Variants in CCDC50 observed in about 807,000 individuals in gnomAD.
CCDC50 encodes the protein coiled-coil domain-containing protein 50.
A neutral mutation model predicts 70.2 loss-of-function variants in CCDC50; 54 were observed. The observed-to-expected ratio is 0.77, with a 90% confidence interval of 0.62 to 0.96. The LOEUF (loss-of-function observed/expected upper bound fraction) is 0.96, where lower values mean the gene tolerates loss of function less well. Ranked by LOEUF, CCDC50 falls within the 50% of genes least tolerant of loss-of-function variation. The probability of loss-of-function intolerance (pLI) is 0.00; values close to 1 mark genes in which losing one functional copy is unlikely to be tolerated. For synonymous variants in CCDC50, 216 were observed against 198.8 expected, an observed-to-expected ratio of 1.09 and a Z score of -0.73; for missense variants, 558 against 578.7, an observed-to-expected ratio of 0.96 and a Z score of 0.37.
intron 4 of CCDC50, among the ~76,000 whole-genome samples, chr3:191,367,435 TG>T (rs996454329): frequency 4.1e-4 from 62 of 152,074 alleles, no homozygotes; most frequent in Non-Finnish European, 1.3e-4. Flanking sequence ...TTTCTCCAAA[TG>T]TTAAAATGAA....
chr3:191,341,026 A>G (rs924560790), intron 1 of CCDC50, among the ~76,000 whole-genome samples: 2 of 151,084 alleles, frequency 1.3e-5, no homozygotes, highest in East Asian at 1.9e-4. Flanking sequence ...GGGTCTCACT[A>G]TATTGCCCAG....
chr3:191,330,075 A>G (rs1427451909), intron 1 of CCDC50, among the ~76,000 whole-genome samples: 2 of 152,110 alleles, frequency 1.3e-5, no homozygotes, highest in Admixed American at 6.5e-5. Context: ...ATCGAGGCCC[A>G]GCCTGGCTGG....
At chr3:191,364,421 TC>T (rs1712608913) in intron 4 of CCDC50, among the ~76,000 whole-genome samples, 1 of 151,060 alleles carries the variant, frequency 6.6e-6, no homozygotes, top group African/African-American at 2.4e-5. Flanking sequence ...CCCTGTAGAG[TC>T]TACTTGGTTA....
intron 10 of CCDC50, among the ~76,000 whole-genome samples, chr3:191,386,167 A>T (rs1021156467): frequency 1.3e-5 from 2 of 150,004 alleles, no homozygotes; most frequent in African/African-American, 2.5e-5. Flanking sequence ...GACGTTGGTA[A>T]TTTGATAAGA....
chr3:191,392,185 A>T lies in CCDC50; in HGVS notation c.*425A>T, dbSNP rs1713717620. On this transcript the variant is annotated 3_prime_UTR_variant, in exon 12 of 12. Transcript: ENST00000392455. ...AAATAGCTTTTTGTTGCATTAATGT[A>T]TGATATTTTGAAGGACAGAGCCTTT... 1 of 166,052 alleles carries T rather than the reference A, an allele frequency of 6.0e-6. No homozygotes were observed. Among genetic ancestry groups the T allele is most frequent in the African/African-American group, 2.4e-5 (1 of 41,596 alleles). 10.3% of individuals were successfully genotyped at this position (166,052 alleles called of 1,614,324 possible). A position where few individuals can be genotyped will look rare whatever the true frequency, so the allele number is the denominator to read the frequency against.
chr3:191,374,972 G>T, intron 5 of CCDC50, 90 bp from the exon 6 acceptor site: 1 of 1,316,108 alleles, frequency 7.6e-7, no homozygotes, highest in East Asian at 2.4e-5. Context: ...CGTTAAACTG[G>T]AGCCCAGACT....
chr3:191,382,547 A>T (rs1018762579), intron 9 of CCDC50, among the ~76,000 whole-genome samples, 199 bp from the exon 10 acceptor site: 5 of 152,128 alleles, frequency 3.3e-5, no homozygotes, highest in African/African-American at 1.2e-4. Flanking sequence ...CTACCTTTGC[A>T]GCTATAAATT....
At chr3:191,335,938 C>T (rs570282913) in intron 1 of CCDC50, among the ~76,000 whole-genome samples, 6 of 150,468 alleles carry the variant, frequency 4.0e-5, no homozygotes, top group African/African-American at 9.8e-5. Context: ...GTTTCATGCC[C>T]CCACCAGCCA....
At chr3:191,334,613 G>C (rs1314768449) in intron 1 of CCDC50, among the ~76,000 whole-genome samples, 3 of 152,124 alleles carry the variant, frequency 2.0e-5, no homozygotes, top group African/African-American at 7.2e-5. Context: ...CCTAGAATTA[G>C]AAAAGTTTAG....
chr3:191,360,128 C>T (rs1414169618), intron 3 of CCDC50, among the ~76,000 whole-genome samples: 1 of 152,184 alleles, frequency 6.6e-6, no homozygotes, highest in African/African-American at 2.4e-5. Context: ...TGAACTGGAA[C>T]CTTTTATTCA....
rs1713852246 is a variant in CCDC50, at chr3:191,396,165, A to T, written c.*4405A>T. 6.6e-6 allele frequency: 1 copy of T among 152,204 alleles called. No homozygotes were observed. Among genetic ancestry groups the T allele is most frequent in the Non-Finnish European group, 1.5e-5 (1 of 68,012 alleles). 9.4% of individuals were successfully genotyped at this position (152,204 alleles called of 1,614,324 possible). A position where few individuals can be genotyped will look rare whatever the true frequency, so the allele number is the denominator to read the frequency against. On this transcript the variant is annotated 3_prime_UTR_variant, in exon 12 of 12. Transcript: ENST00000392455. ...GAGAAAATCTTACTACTACAGAGTC[A>T]CTTTTACAATGAGACCTGCACTTTA...
chr3:191,343,026 C>T (rs934045850), intron 1 of CCDC50, among the ~76,000 whole-genome samples: 19 of 152,076 alleles, frequency 1.2e-4, no homozygotes, highest in Non-Finnish European at 1.6e-4. Context: ...CATTTATACA[C>T]GGATTTTTTT....
intron 3 of CCDC50, among the ~76,000 whole-genome samples, chr3:191,360,751 A>G (rs953714962): frequency 3.3e-5 from 5 of 152,230 alleles, no homozygotes; most frequent in African/African-American, 9.6e-5. Flanking sequence ...AGGACCGTCA[A>G]ACAGGCCCCA....
chr3:191,360,541 A>G (rs1712450076), intron 3 of CCDC50, among the ~76,000 whole-genome samples: 1 of 152,242 alleles, frequency 6.6e-6, no homozygotes, highest in African/African-American at 2.4e-5. Flanking sequence ...ATTCTTAATT[A>G]TTACAATGAG....
chr3:191,358,672 G>C (rs1176256032), intron 3 of CCDC50, among the ~76,000 whole-genome samples: 3 of 152,142 alleles, frequency 2.0e-5, no homozygotes, highest in African/African-American at 7.2e-5. Context: ...TTAACACACA[G>C]ATAAACGGAA....
intron 4 of CCDC50, among the ~76,000 whole-genome samples, chr3:191,367,655 G>A (rs16848980): frequency 0.097 from 14,813 of 152,098 alleles, 790 homozygotes; most frequent in East Asian, 0.24. Flanking sequence ...TAATAAAGCC[G>A]TGTCTACCAG....
Position 191,391,884 on chromosome 3 carries a change from A to C in CCDC50, c.*124A>C. On this transcript the variant is annotated 3_prime_UTR_variant, in exon 12 of 12. Coordinates refer to ENST00000392455, the MANE Select transcript of CCDC50 (RefSeq NM_178335.3). Reference sequence around the variant, plus strand: ...ATTCCTGGGATTTATCCTCAAGTGCATTTCTGACCATAAGTAATTTTAATT... The same window carrying C: ...ATTCCTGGGATTTATCCTCAAGTGCCTTTCTGACCATAAGTAATTTTAATT... The C allele has an allele frequency of 1.2e-6, 1 of 817,030 alleles. No homozygotes were observed. The highest frequency in any genetic ancestry group is 2.3e-4 in the Middle Eastern group (1 of 4,396). The allele number at this position is 817,030 out of a possible 1,614,324, so 50.6% of individuals were successfully genotyped here. A position where few individuals can be genotyped will look rare whatever the true frequency, so the allele number is the denominator to read the frequency against.
At position 191,394,892 on chromosome 3, in the gene CCDC50, AT is replaced by A. The variant is rs1713813941; in HGVS notation, c.*3136del. ...TACATGTATTTAAGGGAACATTGTG[AT>A]TTTCAGAAAGTGGCTTTACATACTA... On this transcript the variant is annotated 3_prime_UTR_variant, in exon 12 of 12. Coordinates refer to ENST00000392455, the MANE Select transcript of CCDC50 (RefSeq NM_178335.3). 6.6e-6 allele frequency: 1 copy of A among 152,148 alleles called. No homozygotes were observed. Among genetic ancestry groups the A allele is most frequent in the Admixed American group, 6.5e-5 (1 of 15,276 alleles). 9.4% of individuals were successfully genotyped at this position (152,148 alleles called of 1,614,324 possible).
intron 4 of CCDC50, among the ~76,000 whole-genome samples, chr3:191,368,543 C>T (rs960342417): frequency 7.9e-5 from 12 of 151,938 alleles, no homozygotes; most frequent in African/African-American, 2.9e-4. Flanking sequence ...AATGAGCATC[C>T]AGCTTGTTTC....
Sources: allele counts gnomAD v4.1 joint callset (sites outside exome capture counted in the v4.1 genomes callset), GRCh38; gene constraint gnomAD v4.1.1; transcripts MANE v1.5; gene names NCBI Gene and HGNC (gene_info 2026-07-23, HGNC 2026-07-21).